Variants in MYO3A observed in about 807,000 individuals in gnomAD.
The protein encoded by MYO3A is myosin IIIA, also known as myosin-IIIa.
Under a neutral mutation model 192.7 loss-of-function variants are expected in MYO3A, and 180 were observed. That is an observed-to-expected ratio of 0.93 (90% CI 0.83 to 1.06). The LOEUF (loss-of-function observed/expected upper bound fraction) is 1.06. Among genes scored for constraint, MYO3A ranks in the 50% least tolerant of loss-of-function variants. The probability of loss-of-function intolerance (pLI) is 0.00; values close to 1 mark genes in which losing one functional copy is unlikely to be tolerated. For missense variants in MYO3A, 1,896 were observed against 1,905.0 expected (o/e 1.00, Z 0.09); for synonymous variants, 628 against 645.3 (o/e 0.97, Z 0.41).
At chr10:26,057,896 C>T (rs1442001486) in intron 10 of MYO3A, among the ~76,000 whole-genome samples, 1 of 152,186 alleles carries the variant, frequency 6.6e-6, no homozygotes, top group African/African-American at 2.4e-5. Flanking sequence ...CATGTGTCCC[C>T]TTCCCCCAGG....
chr10:26,151,008 C>T (rs1840761467), intron 23 of MYO3A, among the ~76,000 whole-genome samples: 1 of 152,034 alleles, frequency 6.6e-6, no homozygotes, highest in African/African-American at 2.4e-5. Flanking sequence ...TTATGGACTT[C>T]TAATTTAACT....
At position 26,174,222 on chromosome 10, in the gene MYO3A, G is replaced by A. The variant is rs766784677; in HGVS notation, c.3958G>A (p.Glu1320Lys). The change falls in exon 30 of 35, where the codon GAG becomes AAG. Residue 1320 changes from glutamate to lysine, a missense_variant. Coordinates refer to ENST00000642920, the MANE Select transcript of MYO3A (RefSeq NM_017433.5). ...CCAGCGTGCACCGATATGCAGCCAG[G>A]AGGAAGGCAGAGGCCGTCTGAGGCA... ...VTQRAPICSQ[E>K]EGRGRLRHET... 9 of 1,614,084 alleles carry A rather than the reference G, an allele frequency of 5.6e-6. No individual in the cohort carries two copies. The highest frequency in any genetic ancestry group is 7.6e-6 in the Non-Finnish European group (9 of 1,179,924).
At position 26,157,481 on chromosome 10, in the gene MYO3A, T is replaced by C; in HGVS notation, c.2965T>C (p.Ser989Pro). The change falls in exon 26 of 35, where the codon TCC (serine) becomes CCC (proline). Residue 989 changes from serine (S) to proline (P), a missense_variant. Coordinates refer to ENST00000642920, the MANE Select transcript of MYO3A (RefSeq NM_017433.5). ...AGCAAGAATTCGAAGACTAGGATTC[T>C]CCCATCGGATACTTTTTGCTAACTT... ...ETARIRRLGF[S>P]HRILFANFIK... 3 of 1,614,148 alleles carry C rather than the reference T, an allele frequency of 1.9e-6. No homozygotes were observed. The highest frequency in any genetic ancestry group is 2.5e-6 in the Non-Finnish European group (3 of 1,179,998).
intron 2 of MYO3A, among the ~76,000 whole-genome samples, chr10:25,941,851 TATA>T (rs976386749): frequency 6.6e-6 from 1 of 152,204 alleles, no homozygotes; most frequent in Admixed American, 6.5e-5. Context: ...AGTGGAATCA[TATA>T]ATGTTTCCCT....
At chr10:25,958,915 A>G (rs1328887466) in intron 4 of MYO3A, among the ~76,000 whole-genome samples, 1 of 151,402 alleles carries the variant, frequency 6.6e-6, no homozygotes, top group East Asian at 1.9e-4. Flanking sequence ...TAGGTATTTT[A>G]TTCATTTTGT....
chr10:26,077,233 G>GTTTTTTTTTTTTTTTTTTTTTTTTTTTTT lies in MYO3A; in HGVS notation c.1359+6854_1359+6855insTTTTTTTTTTTTTTTTTTTTTTTTTTTTT, dbSNP rs34464120. ...CTCCTTGGTTAGGTATATTCCTAAG[G>GTTTTTTTTTTTTTTTTTTTTTTTTTTTTT]TTTTTTTTTTTTTTTTTTTTTTGCA... On this transcript the variant is annotated intron_variant, in intron 14 of 34. Coordinates refer to ENST00000642920, the MANE Select transcript of MYO3A (RefSeq NM_017433.5). Among the ~76,000 whole-genome samples, 38 of 36,294 alleles carry GTTTTTTTTTTTTTTTTTTTTTTTTTTTTT rather than the reference G, an allele frequency of 1.0e-3. 10 individuals are homozygous for GTTTTTTTTTTTTTTTTTTTTTTTTTTTTT. The highest frequency in any genetic ancestry group is 1.3e-3 in the Non-Finnish European group (25 of 19,038). The allele number at this position is 36,294 out of a possible 152,430, so 23.8% of individuals were successfully genotyped here. A position where few individuals can be genotyped will look rare whatever the true frequency, so the allele number is the denominator to read the frequency against.
At chr10:26,029,286 G>A (rs1842702492) in intron 10 of MYO3A, among the ~76,000 whole-genome samples, 1 of 135,314 alleles carries the variant, frequency 7.4e-6, no homozygotes, top group Non-Finnish European at 1.7e-5. Context: ...CTTTCAGTAT[G>A]AGAATTCATG....
intron 34 of MYO3A, 129 bp from the exon 35 acceptor site, chr10:26,211,714 T>C: frequency 7.0e-7 from 1 of 1,418,766 alleles, no homozygotes; most frequent in Non-Finnish European, 9.7e-7. Context: ...GTCGTTTCGA[T>C]TGTGCCTTTC....
chr10:26,028,842 G>T (rs746136732), intron 10 of MYO3A, among the ~76,000 whole-genome samples: 8 of 152,122 alleles, frequency 5.3e-5, no homozygotes, highest in Non-Finnish European at 1.0e-4. Context: ...GGTGGATGTT[G>T]TGTCCACACT....
At chr10:26,100,678 T>A (rs934216115) in intron 17 of MYO3A, among the ~76,000 whole-genome samples, 10 of 152,328 alleles carry the variant, frequency 6.6e-5, no homozygotes, top group Non-Finnish European at 1.3e-4. Flanking sequence ...AGGAGCAGGT[T>A]GTTCAGTTTC....
rs186502871 is a variant in MYO3A, at chr10:26,135,727, C to T, written c.2262+7189C>T. Among the ~76,000 whole-genome samples, 185 of 152,202 alleles carry T rather than the reference C, an allele frequency of 1.2e-3. 3 individuals carry two copies. Among genetic ancestry groups the T allele is most frequent in the Admixed American group, 9.7e-3 (149 of 15,292 alleles). ...CAGTGGCTCACGCTTGTAATCCCAG[C>T]ACTTTGGGAGGCTGAATCACCTGAG... is the stretch of plus-strand genomic sequence containing the variant. On this transcript the variant is annotated intron_variant, in intron 20 of 34. Transcript: ENST00000642920.
rs563548900 is a variant in MYO3A, at chr10:26,037,195, A to C, written c.953+10663A>C. 1.3e-5 allele frequency among the ~76,000 whole-genome samples: 2 copies of C among 152,334 alleles called. 1 individual carries two copies. The highest frequency in any genetic ancestry group is 4.8e-5 in the African/African-American group (2 of 41,580). On this transcript the variant is annotated intron_variant, in intron 10 of 34. Coordinates refer to ENST00000642920, the MANE Select transcript of MYO3A (RefSeq NM_017433.5). ...CTGTACAATGTTAGCAGTCACCAGC[A>C]TTTTGTGGATAGTTACATGCATCTG...
In MYO3A at chr10:26,128,485, G is replaced by A; in HGVS notation, c.2209G>A (p.Ala737Thr). ...CTTCGAGCAGCTGTGCATTAACATTGCAAATGAACAAATTCAGTATTATTA... is the reference window on the plus strand; with the variant it reads ...CTTCGAGCAGCTGTGCATTAACATTACAAATGAACAAATTCAGTATTATTA... ...NSFEQLCINIANEQIQYYYNQ... is the reference protein window; with the variant it reads ...NSFEQLCINITNEQIQYYYNQ... The change falls in exon 20 of 35, where the codon GCA (alanine) becomes ACA (threonine). Residue 737 changes from alanine to threonine, a missense_variant. Coordinates refer to ENST00000642920, the MANE Select transcript of MYO3A (RefSeq NM_017433.5). The A allele has an allele frequency of 6.2e-7, 1 of 1,612,738 alleles. No homozygotes were observed. Among genetic ancestry groups the A allele is most frequent in the Non-Finnish European group, 8.5e-7 (1 of 1,179,086 alleles).
At chr10:26,193,433 T>C in intron 32 of MYO3A, 122 bp downstream of exon 32, 1 of 799,086 alleles carries the variant, frequency 1.3e-6, no homozygotes, top group Non-Finnish European at 2.1e-6. Flanking sequence ...ATGCGCTTGG[T>C]CTCCTCTTCA....
chr10:26,020,558 A>G (rs889423390), intron 7 of MYO3A, among the ~76,000 whole-genome samples: 1 of 152,202 alleles, frequency 6.6e-6, no homozygotes, highest in Non-Finnish European at 1.5e-5. Flanking sequence ...TATTTAAATG[A>G]CACAATTCTA....
intron 9 of MYO3A, among the ~76,000 whole-genome samples, chr10:26,025,610 C>G (rs1040690312): frequency 3.3e-5 from 5 of 152,160 alleles, no homozygotes; most frequent in African/African-American, 1.2e-4. Flanking sequence ...TTGATTCCAC[C>G]AACCAATTCT....
At chr10:25,986,069 G>T (rs1839633813) in intron 4 of MYO3A, among the ~76,000 whole-genome samples, 3 of 152,216 alleles carry the variant, frequency 2.0e-5, no homozygotes, top group Admixed American at 6.5e-5. Flanking sequence ...AGTCATAAAT[G>T]TGACACACTA....
chr10:25,952,350 A>G, intron 3 of MYO3A, 72 bp downstream of exon 3: 1 of 1,437,708 alleles, frequency 7.0e-7, no homozygotes, highest in Non-Finnish European at 9.6e-7. Context: ...ACTGTATTTT[A>G]TCTTGATTTA....
intron 4 of MYO3A, among the ~76,000 whole-genome samples, chr10:25,978,925 G>A (rs183432646): frequency 6.6e-6 from 1 of 151,290 alleles, no homozygotes; most frequent in Admixed American, 6.6e-5. Context: ...TGTTTGGTAT[G>A]TGCAGACTAT....
Sources: gnomAD v4.1 joint callset for allele counts (sites outside exome capture counted in the v4.1 genomes callset) on GRCh38, gnomAD v4.1.1 for gene constraint, MANE v1.5 for transcripts, NCBI Gene and HGNC (gene_info 2026-07-23, HGNC 2026-07-21) for gene names.